The following ASIC2 variants were observed in gnomAD, a reference collection of about 807,000 sequenced individuals.
ASIC2 encodes the protein acid sensing ion channel subunit 2, also known as acid-sensing ion channel 2.
ASIC2 carries 25 observed loss-of-function variants against 57.3 expected under a neutral mutation model. The ratio of observed to expected loss-of-function variants is 0.44; its 90% CI spans 0.32 to 0.61. The LOEUF (loss-of-function observed/expected upper bound fraction) is 0.61. ASIC2 is among the 20% of genes least tolerant of loss of function. ASIC2 has a pLI of 0.06. For synonymous variants in ASIC2, 319 were observed against 307.5 expected, an observed-to-expected ratio of 1.04 and a Z score of -0.39; for missense variants, 641 against 738.1, an observed-to-expected ratio of 0.87 and a Z score of 1.52.
intron 1 of ASIC2, among the ~76,000 whole-genome samples, chr17:33,662,718 C>T (rs1907323471): frequency 6.8e-6 from 1 of 146,902 alleles, no homozygotes; most frequent in South Asian, 2.2e-4. Context: ...GTACTGTTTC[C>T]TCCCTCCCTC....
intron 1 of ASIC2, among the ~76,000 whole-genome samples, chr17:33,789,003 C>T (rs1034830142): frequency 1.3e-5 from 2 of 152,122 alleles, no homozygotes; most frequent in South Asian, 2.1e-4. Flanking sequence ...GCACATTCTG[C>T]ACATGTATCC....
At chr17:33,241,461 TG>T (rs1431968930) in intron 1 of ASIC2, among the ~76,000 whole-genome samples, 3 of 152,224 alleles carry the variant, frequency 2.0e-5, no homozygotes, top group African/African-American at 7.2e-5. Flanking sequence ...GTGCTGCCTA[TG>T]ATTGCAGGGG....
intron 1 of ASIC2, among the ~76,000 whole-genome samples, chr17:34,105,857 G>T (rs565622553): frequency 7.6e-4 from 116 of 152,026 alleles, no homozygotes; most frequent in African/African-American, 2.7e-3. Context: ...TTTCCCAAGA[G>T]TAGGAGTACT....
intron 1 of ASIC2, among the ~76,000 whole-genome samples, chr17:33,526,217 T>A (rs916507017): frequency 3.3e-5 from 5 of 152,120 alleles, no homozygotes; most frequent in Non-Finnish European, 5.9e-5. Context: ...TGGAGCAACA[T>A]CCTGTCTTAG....
At chr17:33,055,810 A>G (rs2091995744) in intron 3 of ASIC2, among the ~76,000 whole-genome samples, 1 of 152,124 alleles carries the variant, frequency 6.6e-6, no homozygotes. Flanking sequence ...CGACTGCGCC[A>G]TGTTCTCTCG....
intron 1 of ASIC2, among the ~76,000 whole-genome samples, chr17:33,474,260 G>A (rs375960163): frequency 6.6e-6 from 1 of 152,162 alleles, no homozygotes; most frequent in African/African-American, 2.4e-5. Context: ...TCAGCTACTC[G>A]GGAGGCTGAG....
intron 1 of ASIC2, among the ~76,000 whole-genome samples, chr17:33,731,608 G>C (rs1479425491): frequency 1.3e-5 from 2 of 152,238 alleles, no homozygotes; most frequent in African/African-American, 4.8e-5. Context: ...AGTCTATACA[G>C]TGGTAAATGA....
At chr17:33,293,816 G>T (rs1198719987), upstream of ASIC2, among the ~76,000 whole-genome samples, 2 of 152,160 alleles carry the variant, frequency 1.3e-5, no homozygotes, top group African/African-American at 2.4e-5. Flanking sequence ...TATGTTCCGT[G>T]TGTGTATGTG....
At chr17:33,667,746 C>T (rs1163442778) in intron 1 of ASIC2, among the ~76,000 whole-genome samples, 1 of 152,242 alleles carries the variant, frequency 6.6e-6, no homozygotes, top group African/African-American at 2.4e-5. Flanking sequence ...TCTTCTTACT[C>T]AGCTGAAAGC....
chr17:33,965,308 C>T (rs778847675), intron 1 of ASIC2, among the ~76,000 whole-genome samples: 2 of 152,168 alleles, frequency 1.3e-5, no homozygotes, highest in Non-Finnish European at 2.9e-5. Context: ...TCTAAAGCTC[C>T]TGCCCTTTAT....
intron 1 of ASIC2, among the ~76,000 whole-genome samples, chr17:33,271,037 A>C (rs1353474300): frequency 6.6e-6 from 1 of 152,122 alleles, no homozygotes; most frequent in Non-Finnish European, 1.5e-5. Context: ...CTATGCTTCC[A>C]ACCTCTACAC....
chr17:33,585,421 T>A (rs1366059965), intron 1 of ASIC2, among the ~76,000 whole-genome samples: 1 of 152,218 alleles, frequency 6.6e-6, no homozygotes, highest in Admixed American at 6.5e-5. Flanking sequence ...GAAATTCAAA[T>A]CTTATTGAGA....
intron 1 of ASIC2, among the ~76,000 whole-genome samples, chr17:33,775,021 C>CGT: frequency 2.0e-5 from 3 of 152,188 alleles, no homozygotes. Flanking sequence ...CCAAAAGAGA[C>CGT]ATATCCTGAA....
At chr17:33,259,325 C>G (rs893881482) in intron 1 of ASIC2, among the ~76,000 whole-genome samples, 1 of 152,172 alleles carries the variant, frequency 6.6e-6, no homozygotes, top group African/African-American at 2.4e-5. Flanking sequence ...TTACAATTCA[C>G]GCCATCAGTC....
At chr17:33,431,161 G>A (rs9896540) in intron 1 of ASIC2, among the ~76,000 whole-genome samples, 52,971 of 152,068 alleles carry the variant, frequency 0.35, 9,306 homozygotes, top group Middle Eastern at 0.44. Flanking sequence ...CACTCCATTC[G>A]TGGGTCTGTG....
intron 1 of ASIC2, among the ~76,000 whole-genome samples, chr17:33,593,223 C>A (rs1185695434): frequency 1.3e-5 from 2 of 152,184 alleles, no homozygotes; most frequent in African/African-American, 4.8e-5. Context: ...GCAGGCACAG[C>A]TGTGATGTCC....
chr17:33,355,223 C>G (rs1359920883), intron 1 of ASIC2, among the ~76,000 whole-genome samples: 1 of 152,148 alleles, frequency 6.6e-6, no homozygotes, highest in Admixed American at 6.5e-5. Context: ...GTCCCAACTA[C>G]TCGGGAAGCT....
chr17:34,013,071 G>A (rs920647520), intron 1 of ASIC2, among the ~76,000 whole-genome samples: 1 of 152,146 alleles, frequency 6.6e-6, no homozygotes, highest in Admixed American at 6.5e-5. Context: ...CCCTGGAGAG[G>A]GGAACCTGAT....
At chr17:33,285,847 T>G (rs1327944604) in intron 1 of ASIC2, among the ~76,000 whole-genome samples, 1 of 152,224 alleles carries the variant, frequency 6.6e-6, no homozygotes, top group Non-Finnish European at 1.5e-5. Flanking sequence ...TGAGATGACA[T>G]GAAACATGCC....
Sources: gnomAD v4.1 joint callset for allele counts (sites outside exome capture counted in the v4.1 genomes callset) on GRCh38, gnomAD v4.1.1 for gene constraint, MANE v1.5 for transcripts, NCBI Gene and HGNC (gene_info 2026-07-23, HGNC 2026-07-21) for gene names.